CAMK2D: variants seen among roughly 807,000 people sequenced by gnomAD.
CAMK2D encodes the protein calcium/calmodulin-dependent protein kinase type II subunit delta.
CAMK2D carries 37 observed loss-of-function variants against 84.0 expected under a neutral mutation model. The ratio of observed to expected loss-of-function variants is 0.44; its 90% CI spans 0.34 to 0.58. The LOEUF is 0.58. CAMK2D is among the 20% of genes least tolerant of loss of function. CAMK2D has a pLI of 0.02. For missense variants in CAMK2D, 448 were observed against 652.5 expected (o/e 0.69, Z 3.41); for synonymous variants, 202 against 212.5 (o/e 0.95, Z 0.43).
intron 6 of CAMK2D, among the ~76,000 whole-genome samples, chr4:113,545,852 T>C (rs1419004475): frequency 6.6e-6 from 1 of 152,194 alleles, no homozygotes; most frequent in Non-Finnish European, 1.5e-5. Context: ...TAAAGAAATC[T>C]GGTGGGGAAT....
At position 113,560,231 on chromosome 4, in the gene CAMK2D, A is replaced by AC. The variant is rs775433777; in HGVS notation, c.276-8136_276-8135insG. 2.0e-3 allele frequency among the ~76,000 whole-genome samples: 287 copies of AC among 144,130 alleles called. 3 individuals are homozygous for AC. The highest frequency in any genetic ancestry group is 7.8e-4 in the Non-Finnish European group (51 of 65,496). 94.6% of individuals were successfully genotyped at this position (144,130 alleles called of 152,430 possible). A position where few individuals can be genotyped will look rare whatever the true frequency, so the allele number is the denominator to read the frequency against. On this transcript the variant is annotated intron_variant, in intron 4 of 20. Coordinates refer to ENST00000511664, the MANE Select transcript of CAMK2D (RefSeq NM_001321571.2). ...TGAGCGACTCATTTGTTCTCACAGC[A>AC]TTTTTTTTTTTTTCCTGAAAATACA...
chr4:113,564,855 T>C (rs897181723), intron 4 of CAMK2D, among the ~76,000 whole-genome samples: 1 of 152,200 alleles, frequency 6.6e-6, no homozygotes, highest in Non-Finnish European at 1.5e-5. Flanking sequence ...TTAGAGCCTA[T>C]ATTAGATGAG....
At chr4:113,551,351 T>G (rs1162167889) in intron 5 of CAMK2D, among the ~76,000 whole-genome samples, 2 of 152,202 alleles carry the variant, frequency 1.3e-5, no homozygotes, top group African/African-American at 4.8e-5. Flanking sequence ...AAATTACTCT[T>G]GAACTCTCTT....
At chr4:113,564,551 A>G (rs2098713565) in intron 4 of CAMK2D, among the ~76,000 whole-genome samples, 1 of 152,036 alleles carries the variant, frequency 6.6e-6, no homozygotes, top group African/African-American at 2.4e-5. Context: ...ATCTCCTACT[A>G]AACCTCAAGA....
At chr4:113,604,362 T>C (rs2098968732) in intron 4 of CAMK2D, among the ~76,000 whole-genome samples, 1 of 151,942 alleles carries the variant, frequency 6.6e-6, no homozygotes, top group Non-Finnish European at 1.5e-5. Flanking sequence ...TTTGAGAAAT[T>C]AGACACTTAT....
At chr4:113,544,424 CAACT>C (rs548460320) in intron 6 of CAMK2D, among the ~76,000 whole-genome samples, 126 of 152,244 alleles carry the variant, frequency 8.3e-4, no homozygotes, top group African/African-American at 2.7e-3. Flanking sequence ...TTCATCCAAC[CAACT>C]AAATTGAGAA....
chr4:113,620,730 T>A (rs928385212), intron 3 of CAMK2D, among the ~76,000 whole-genome samples: 1 of 152,062 alleles, frequency 6.6e-6, no homozygotes, highest in Non-Finnish European at 1.5e-5. Flanking sequence ...ATAGTCTCGA[T>A]CTCTTGACCT....
intron 16 of CAMK2D, among the ~76,000 whole-genome samples, chr4:113,470,465 C>T (rs1026473411): frequency 4.6e-5 from 7 of 152,068 alleles, no homozygotes; most frequent in Non-Finnish European, 1.0e-4. Context: ...TGGTGAAACC[C>T]CGTCTCTGCT....
rs1594293623 is a variant in CAMK2D, at chr4:113,761,056, T to A, written c.13A>T (p.Thr5Ser). The A allele has an allele frequency of 6.2e-7, 1 of 1,614,216 alleles. No individual in the cohort carries two copies. The highest frequency in any genetic ancestry group is 8.5e-7 in the Non-Finnish European group (1 of 1,180,026). MAST[T>S]TCTRFTDEYQ... Reference sequence around the variant, plus strand: ...TCGTCCGTGAACCTGGTGCAGGTTGTGGTCGAAGCCATCCTCGGTCCGGGC... The same window carrying A: ...TCGTCCGTGAACCTGGTGCAGGTTGAGGTCGAAGCCATCCTCGGTCCGGGC... The change falls in exon 1 of 21, where the codon ACA becomes TCA. Residue 5 changes from threonine to serine, a missense_variant. This residue lies in a region of CAMK2D where 44 missense variants were observed against 45.6 expected (regional missense o/e 0.96). Coordinates refer to ENST00000511664, the MANE Select transcript of CAMK2D (RefSeq NM_001321571.2).
chr4:113,477,848 A>G (rs1462068299), intron 16 of CAMK2D, among the ~76,000 whole-genome samples: 1 of 152,114 alleles, frequency 6.6e-6, no homozygotes, highest in Admixed American at 6.6e-5. Flanking sequence ...TTTATGAGCC[A>G]TATATTTCAG....
At chr4:113,530,620 A>T (rs1189465877) in intron 8 of CAMK2D, among the ~76,000 whole-genome samples, 1 of 152,186 alleles carries the variant, frequency 6.6e-6, no homozygotes, top group East Asian at 1.9e-4. Flanking sequence ...AGGCCTCATG[A>T]ATGGGATTAA....
intron 4 of CAMK2D, among the ~76,000 whole-genome samples, chr4:113,553,666 A>G (rs1011112413): frequency 2.0e-4 from 30 of 152,148 alleles, no homozygotes; most frequent in African/African-American, 6.0e-4. Context: ...ATTATTTCCA[A>G]TTCTATTATT....
chr4:113,514,846 C>A (rs2098264445), intron 10 of CAMK2D, among the ~76,000 whole-genome samples: 1 of 152,144 alleles, frequency 6.6e-6, no homozygotes, highest in Non-Finnish European at 1.5e-5. Context: ...TTTGTTACTG[C>A]AAGCAATATT....
intron 14 of CAMK2D, 134 bp from the exon 15 acceptor site, chr4:113,503,111 T>A (rs1287098871): frequency 1.3e-6 from 1 of 756,536 alleles, no homozygotes. Flanking sequence ...TTAACTGCTG[T>A]CAGAGTTGCA....
At position 113,761,009 on chromosome 4, in the gene CAMK2D, A is replaced by T; in HGVS notation, c.60T>A (p.Leu20=). 2 of 1,614,128 alleles carry T rather than the reference A, an allele frequency of 1.2e-6. No individual in the cohort carries two copies. The highest frequency in any genetic ancestry group is 1.7e-6 in the Non-Finnish European group (2 of 1,180,002). The change falls in exon 1 of 21, where the codon CTT becomes CTA. Residue 20 remains leucine, a synonymous_variant. Transcript: ENST00000511664. ...TGCCGGGCAAAGGTGCTTACTTTCC[A>T]AGCTCCTCGAAAAGCTGATACTCGT... ...FTDEYQLFEE[L]GKGAFSVVRR...
intron 4 of CAMK2D, among the ~76,000 whole-genome samples, chr4:113,587,803 A>G (rs2098840749): frequency 6.6e-6 from 1 of 152,130 alleles, no homozygotes; most frequent in East Asian, 1.9e-4. Context: ...TCATCAGTAC[A>G]CGCTAGTCAT....
chr4:113,709,746 GATATATATAT>G (rs397995032), intron 2 of CAMK2D, among the ~76,000 whole-genome samples: 3,074 of 49,794 alleles, frequency 0.062, 372 homozygotes, highest in Non-Finnish European at 0.082. Flanking sequence ...AGCCGTGAAC[GATATATATAT>G]ATATATATAT....
At chr4:113,690,864 T>C (rs78954142) in intron 2 of CAMK2D, among the ~76,000 whole-genome samples, 1,934 of 152,326 alleles carry the variant, frequency 0.013, 44 homozygotes, top group African/African-American at 0.044. Context: ...CCACATAGTT[T>C]GGGGCCAGTT....
rs903517545 is a variant in CAMK2D at position 113,618,675 on chromosome 4, A to T, written c.221-9469T>A. Among the ~76,000 whole-genome samples, 13 of 152,292 alleles carry T rather than the reference A, an allele frequency of 8.5e-5. 2 individuals carry two copies. In the South Asian group the frequency reaches 2.7e-3, roughly 32 times the overall value. On this transcript the variant is annotated intron_variant, in intron 3 of 20. Coordinates refer to ENST00000511664, the MANE Select transcript of CAMK2D (RefSeq NM_001321571.2). ...ATATATCTATTTTTATGATGAAAGC[A>T]CTTAAAATATCAGTTTATTTCTCCT...
Sources: allele counts gnomAD v4.1 joint callset (sites outside exome capture counted in the v4.1 genomes callset), GRCh38; gene constraint gnomAD v4.1.1; regional missense constraint gnomAD v4.1.1; transcripts MANE v1.5; gene names NCBI Gene and HGNC (gene_info 2026-07-23, HGNC 2026-07-21).